Variants in ANK1 observed in about 807,000 individuals in gnomAD.
The protein encoded by ANK1 is ankyrin-1.
ANK1 carries 51 observed loss-of-function variants against 210.4 expected under a neutral mutation model. That is an observed-to-expected ratio of 0.24 (90% confidence interval 0.19 to 0.31). The LOEUF (loss-of-function observed/expected upper bound fraction) is 0.31, where lower values mean the gene tolerates loss of function less well. Ranked by LOEUF, ANK1 falls within the 10% of genes least tolerant of loss-of-function variation. The pLI is 1.00. For synonymous variants in ANK1, 967 were observed against 1,025.9 expected (o/e 0.94, Z 1.10); for missense variants, 2,051 against 2,504.4 (o/e 0.82, Z 3.86).
chr8:41,788,978 A>G (rs1847041114), intron 1 of ANK1: 1 of 152,158 alleles, frequency 6.6e-6, no homozygotes, highest in Non-Finnish European at 1.5e-5. Flanking sequence ...CACAAGCCAC[A>G]CTTTTCATGA....
chr8:41,687,661 C>G (rs1379664130), intron 35 of ANK1, among the ~76,000 whole-genome samples: 4 of 152,230 alleles, frequency 2.6e-5, no homozygotes, highest in Non-Finnish European at 5.9e-5. Context: ...AACCCCGTGT[C>G]TCCGTGTGTC....
At chr8:41,725,717 C>T in intron 6 of ANK1, 44 bp downstream of exon 6, 1 of 1,584,352 alleles carries the variant, frequency 6.3e-7, no homozygotes, top group South Asian at 1.1e-5. Context: ...CCTGAGCCCA[C>T]GGGCGTCCGC....
chr8:41,712,335 A>T (rs1826378480), intron 16 of ANK1, among the ~76,000 whole-genome samples: 1 of 152,194 alleles, frequency 6.6e-6, no homozygotes, highest in Non-Finnish European at 1.5e-5. Flanking sequence ...CGATGTCCAC[A>T]CTGGCAAGGC....
At chr8:41,715,560 A>G in intron 14 of ANK1, 92 bp downstream of exon 14, 1 of 1,495,596 alleles carries the variant, frequency 6.7e-7, no homozygotes, top group Non-Finnish European at 9.1e-7. Context: ...CATTGAGGTG[A>G]CAAAGAGAAC....
chr8:41,797,691 C>T (rs183894680), upstream of ANK1: 21,796 of 1,200,424 alleles, frequency 0.018, 209 homozygotes, highest in Non-Finnish European at 0.02. The surrounding 1 kb of genome is among the most constrained non-coding windows in gnomAD (Gnocchi z 4.0). Context: ...TGCTGTCGGG[C>T]CGGGCGCTCC....
intron 32 of ANK1, 53 bp downstream of exon 32, chr8:41,690,421 G>A (rs1818954440): frequency 6.8e-6 from 11 of 1,614,174 alleles, no homozygotes; most frequent in Non-Finnish European, 9.3e-6. Context: ...AGGGAATTCT[G>A]CCTCCCCAAC....
chr8:41,869,192 G>C (rs1005813993), intron 1 of ANK1, among the ~76,000 whole-genome samples: 4 of 148,254 alleles, frequency 2.7e-5, no homozygotes, highest in African/African-American at 1.0e-4. Flanking sequence ...CTGCGTGGTT[G>C]GACCCGATGG....
chr8:41,776,231 G>A (rs1011064309), intron 1 of ANK1, among the ~76,000 whole-genome samples: 1 of 152,088 alleles, frequency 6.6e-6, no homozygotes, highest in African/African-American at 2.4e-5. Context: ...AGGTGCAACC[G>A]GGGCATCTTT....
In ANK1 at chr8:41,695,304, A is replaced by G. The variant is rs765520105; in HGVS notation, c.2988T>C (p.Phe996=). 8 of 1,613,818 alleles carry G rather than the reference A, an allele frequency of 5.0e-6. No homozygotes were observed. Among genetic ancestry groups the G allele is most frequent in the Non-Finnish European group, 4.2e-6 (5 of 1,179,974 alleles). Residue 996 remains phenylalanine (F), a synonymous_variant, in exon 27 of 43, where the codon TTT becomes TTC. Transcript: ENST00000289734. ...CGCGGTCTCCACGGCCATGGGAGGCAAAGTGCGGGATCTCCACGATTACAG... is the reference window on the plus strand; with the variant it reads ...CGCGGTCTCCACGGCCATGGGAGGCGAAGTGCGGGATCTCCACGATTACAG... The part of the protein sequence containing the change: ...LSPVIVEIPH[F]ASHGRGDREL...
At chr8:41,863,817 G>A (rs1007561015) in intron 1 of ANK1, among the ~76,000 whole-genome samples, 9 of 152,196 alleles carry the variant, frequency 5.9e-5, no homozygotes, top group African/African-American at 1.7e-4. Context: ...CCACAATAGC[G>A]AATGTGGTTT....
intron 33 of ANK1, among the ~76,000 whole-genome samples, chr8:41,688,991 T>C (rs1228575319): frequency 6.6e-6 from 1 of 152,254 alleles, no homozygotes; most frequent in Non-Finnish European, 1.5e-5. Flanking sequence ...GAACTTAAAA[T>C]GATTGTTTTT....
intron 42 of ANK1, among the ~76,000 whole-genome samples, chr8:41,657,856 G>A (rs1307478351): frequency 6.6e-6 from 1 of 152,130 alleles, no homozygotes; most frequent in Non-Finnish European, 1.5e-5. Flanking sequence ...CCTTTCAAAA[G>A]CTTAGAAAAG....
At chr8:41,662,660 G>A (rs1189663251) in intron 40 of ANK1, among the ~76,000 whole-genome samples, 1 of 152,190 alleles carries the variant, frequency 6.6e-6, no homozygotes, top group African/African-American at 2.4e-5. Flanking sequence ...TCTGCCGTGT[G>A]CTCTGAGTGG....
intron 1 of ANK1, among the ~76,000 whole-genome samples, chr8:41,893,299 C>A (rs1056902044): frequency 6.6e-6 from 1 of 152,148 alleles, no homozygotes. Flanking sequence ...ATATCATAAA[C>A]GCTGGATTTT....
chr8:41,728,111 C>A, intron 3 of ANK1, 105 bp from the exon 4 acceptor site: 1 of 1,039,522 alleles, frequency 9.6e-7, no homozygotes, highest in South Asian at 1.3e-5. Flanking sequence ...CGGGGGCTTT[C>A]TTCATGGCCA....
At chr8:41,763,961 G>C (rs981521426) in intron 1 of ANK1, among the ~76,000 whole-genome samples, 1 of 132,184 alleles carries the variant, frequency 7.6e-6, no homozygotes, top group Non-Finnish European at 1.5e-5. Context: ...GGATCCTCAG[G>C]GCATCTGGGA....
chr8:41,734,107 C>T, intron 2 of ANK1, 38 bp from the exon 3 acceptor site: 2 of 1,568,408 alleles, frequency 1.3e-6, no homozygotes, highest in Non-Finnish European at 1.8e-6. Flanking sequence ...CATGGTTAGT[C>T]AAATGGTGCT....
At chr8:41,703,450 A>ATATATATATTTTTTTTTTT (rs59985416) in intron 20 of ANK1, among the ~76,000 whole-genome samples, 1 of 58,828 alleles carries the variant, frequency 1.7e-5, no homozygotes, top group African/African-American at 9.0e-5. Context: ...ATATATATAT[A>ATATATATATTTTTTTTTTT]TTTTTTTTTT....
chr8:41,794,486 G>A (rs375390818), intron 1 of ANK1, among the ~76,000 whole-genome samples: 8 of 152,042 alleles, frequency 5.3e-5, no homozygotes, highest in Admixed American at 2.6e-4. Context: ...TCCCTTGCCC[G>A]CTTCCCTCTC....
Sources: gnomAD v4.1 joint callset for allele counts (sites outside exome capture counted in the v4.1 genomes callset) on GRCh38, gnomAD v4.1.1 for gene constraint, Gnocchi (gnomAD v3.1) non-coding constraint, MANE v1.5 for transcripts, NCBI Gene and HGNC (gene_info 2026-07-23, HGNC 2026-07-21) for gene names.